ZFP64: variants seen among roughly 807,000 people sequenced by gnomAD.
ZFP64 encodes zinc finger protein 64.
ZFP64 carries 14 observed loss-of-function variants against 51.6 expected under a neutral mutation model. The observed-to-expected ratio is 0.27, with a 90% CI of 0.18 to 0.42. The LOEUF (loss-of-function observed/expected upper bound fraction) is 0.42, where lower values mean the gene tolerates loss of function less well. Among genes scored for constraint, ZFP64 ranks in the 10% least tolerant of loss-of-function variants. The pLI, the probability that ZFP64 is intolerant of heterozygous loss-of-function variation, is 1.00. For synonymous variants in ZFP64, 375 were observed against 361.4 expected (o/e 1.04, Z -0.43); for missense variants, 754 against 906.8 (o/e 0.83, Z 2.16).
At chr20:52,099,390 C>T (rs190199110) in intron 5 of ZFP64, among the ~76,000 whole-genome samples, 6 of 152,092 alleles carry the variant, frequency 3.9e-5, no homozygotes, top group African/African-American at 1.4e-4. Context: ...CAAAAGGTCA[C>T]AGACCACACA....
chr20:52,110,818 C>G lies in ZFP64; in HGVS notation c.764-12231G>C, dbSNP rs1442646469. On this transcript the variant is annotated intron_variant, in intron 5 of 8. Transcript: ENST00000361387. ...CTCTTTGAGCAGCTTGTATTTCTCACTCAGCTCCATGTTCAGCTTGTCACC... is the reference window on the plus strand; with the variant it reads ...CTCTTTGAGCAGCTTGTATTTCTCAGTCAGCTCCATGTTCAGCTTGTCACC... The G allele has an allele frequency of 3.1e-6, 5 of 1,598,742 alleles. No homozygotes were observed. The Admixed American group carries it at 8.3e-5, about 27-fold the overall frequency.
rs1162365698 is a variant in ZFP64, at chr20:52,160,683, T to C, written c.512-309A>G. Among the ~76,000 whole-genome samples the C allele has an allele frequency of 1.3e-5, 2 of 152,220 alleles. No homozygotes were observed. The highest frequency in any genetic ancestry group is 2.9e-5 in the Non-Finnish European group (2 of 68,036). ...TAGGTACGTAAAATAGTAACAGTTT[T>C]GTTAATTTTCCCTTGTATTCACTCT... On this transcript the variant is annotated intron_variant, in intron 4 of 5. Transcript: ENST00000216923. This position sits in a 1 kb window ranked among gnomAD's most constrained non-coding sequence, Gnocchi z 4.2.
rs775981773 is a variant in ZFP64, at chr20:52,160,353, T to A, written c.533A>T (p.Glu178Val). The A allele has an allele frequency of 3.1e-6, 5 of 1,614,044 alleles. No individual in the cohort carries two copies. Among genetic ancestry groups the A allele is most frequent in the Non-Finnish European group, 4.2e-6 (5 of 1,179,952 alleles). Residue 178 changes from glutamate to valine, a missense_variant, in exon 5 of 6, where the codon GAA (glutamate) becomes GTA (valine). By Grantham distance (121) the Glu-to-Val change is moderately radical. This residue lies in a region of ZFP64 where 231 missense variants were observed against 336.7 expected (regional missense o/e 0.69). Transcript: ENST00000216923. The surrounding 1 kb of genome is among the most constrained non-coding windows in gnomAD (Gnocchi z 4.2). ...CCGGCTAAAGCACTTGCCACAGACT[T>A]CACACTTATGGGGTTTGTCTCCTTC... ...IHTGDKPHKCEVCGKCFSRKD... is the reference protein window; with the variant it reads ...IHTGDKPHKCVVCGKCFSRKD...
intron 5 of ZFP64, among the ~76,000 whole-genome samples, chr20:52,140,545 C>G (rs1265606810): frequency 6.6e-6 from 1 of 152,192 alleles, no homozygotes; most frequent in Non-Finnish European, 1.5e-5. Flanking sequence ...GAGCAAGGAC[C>G]TAACTCCTTC....
In ZFP64 at chr20:52,107,570, C is replaced by T. The variant is rs181072034; in HGVS notation, c.764-8983G>A. On this transcript the variant is annotated intron_variant, in intron 5 of 8. Coordinates refer to the ZFP64 transcript ENST00000361387. ...GTCTCTTTAGCAAGTTTTATTGTAC[C>T]TACATGTATTCCTTAAAAAAACAAT... is the stretch of plus-strand genomic sequence containing the variant. 2.9e-4 allele frequency among the ~76,000 whole-genome samples: 44 copies of T among 152,108 alleles called. 1 individual carries two copies. The highest frequency in any genetic ancestry group is 4.4e-5 in the Non-Finnish European group (3 of 68,008).
rs11469696 is a variant in ZFP64, at chr20:52,161,450, CTTTTTT to C, written c.512-1082_512-1077del. ...CCCAGGACCGTCTTGTGATTGCTTT[CTTTTTT>C]TTTTTTTTTTTTTTTGCCAAATACT... On this transcript the variant is annotated intron_variant, in intron 4 of 5. Transcript: ENST00000216923. Among the ~76,000 whole-genome samples, 1,134 of 115,150 alleles carry C rather than the reference CTTTTTT, an allele frequency of 9.8e-3. 16 individuals carry two copies. Among genetic ancestry groups the C allele is most frequent in the African/African-American group, 0.035 (1,066 of 30,064 alleles). 75.5% of individuals were successfully genotyped at this position (115,150 alleles called of 152,430 possible).
chr20:52,102,260 G>A (rs117265881), intron 5 of ZFP64, among the ~76,000 whole-genome samples: 2,202 of 152,202 alleles, frequency 0.014, 91 homozygotes, highest in Admixed American at 0.091. Context: ...AGACGTCAGC[G>A]TGTATCAGAA....
At chr20:52,099,869 A>G (rs2079032057) in intron 5 of ZFP64, among the ~76,000 whole-genome samples, 1 of 152,230 alleles carries the variant, frequency 6.6e-6, no homozygotes, top group Non-Finnish European at 1.5e-5. Context: ...ACGGTCAAAT[A>G]ATTTCATGTT....
intron 4 of ZFP64, among the ~76,000 whole-genome samples, chr20:52,164,492 C>T (rs6091459): frequency 0.017 from 2,617 of 152,274 alleles, 88 homozygotes; most frequent in African/African-American, 0.06. Context: ...CACATCCTCT[C>T]CAGAGCTGGA....
chr20:52,154,647 T>C (rs1473060622), intron 5 of ZFP64, among the ~76,000 whole-genome samples: 1 of 152,090 alleles, frequency 6.6e-6, no homozygotes, highest in Non-Finnish European at 1.5e-5. Flanking sequence ...CTGAGAGGCC[T>C]AAACCTAAAC....
intron 2 of ZFP64, among the ~76,000 whole-genome samples, chr20:52,174,252 G>T (rs1982990423): frequency 6.6e-6 from 1 of 150,890 alleles, no homozygotes; most frequent in Non-Finnish European, 1.5e-5. Flanking sequence ...TTTGGTGGCT[G>T]AGGCAGGCGG....
intron 5 of ZFP64, among the ~76,000 whole-genome samples, chr20:52,139,292 G>T (rs952085506): frequency 7.2e-5 from 11 of 152,142 alleles, no homozygotes; most frequent in African/African-American, 2.4e-4. Context: ...AAGGAAATGT[G>T]GTACGTACAG....
chr20:52,175,861 G>GGGGCC, intron 2 of ZFP64: 1 of 238,642 alleles, frequency 4.2e-6, no homozygotes, highest in Non-Finnish European at 6.1e-6. Context: ...CACCCCCGCT[G>GGGGCC]CCGCCCCCGC....
chr20:52,086,668 CG>C (rs1422514426), intron 8 of ZFP64, among the ~76,000 whole-genome samples: 5 of 151,986 alleles, frequency 3.3e-5, no homozygotes, highest in African/African-American at 1.2e-4. Flanking sequence ...TTAGTAGAGA[CG>C]GGGTTTCACC....
intron 5 of ZFP64, among the ~76,000 whole-genome samples, chr20:52,137,053 C>G (rs1408925858): frequency 6.6e-6 from 1 of 152,170 alleles, no homozygotes; most frequent in Non-Finnish European, 1.5e-5. Flanking sequence ...GTGTGAGCCA[C>G]CGTGCCTGGC....
intron 2 of ZFP64, among the ~76,000 whole-genome samples, chr20:52,184,930 ACCT>A (rs1983853360): frequency 6.6e-6 from 1 of 152,090 alleles, no homozygotes; most frequent in Non-Finnish European, 1.5e-5. Context: ...ACCTGGCCAT[ACCT>A]AACTCTCTCT....
intron 1 of ZFP64, among the ~76,000 whole-genome samples, chr20:52,190,969 T>C (rs1984326148): frequency 6.6e-6 from 1 of 152,112 alleles, no homozygotes; most frequent in South Asian, 2.1e-4. Flanking sequence ...ACTCAGTCTC[T>C]GGACCACACT....
chr20:52,114,490 C>T (rs1394109680), intron 5 of ZFP64, among the ~76,000 whole-genome samples: 2 of 152,158 alleles, frequency 1.3e-5, no homozygotes, highest in African/African-American at 4.8e-5. Context: ...TTCAGGGCAA[C>T]AAACATGGAA....
Position 52,164,108 on chromosome 20 carries a change from C to T in ZFP64, c.511+587G>A, listed in dbSNP as rs752845602. Among the ~76,000 whole-genome samples the T allele has an allele frequency of 6.8e-4, 103 of 152,152 alleles. 1 individual carries two copies. Among genetic ancestry groups the T allele is most frequent in the Middle Eastern group, 3.4e-3 (1 of 294 alleles). ...GGTGGATCGCTTGAGTCCAGGCATT[C>T]GAGACCAGCCTGGGCAACATGGTGA... On this transcript the variant is annotated intron_variant, in intron 4 of 5. Transcript: ENST00000216923.
Sources: gnomAD v4.1 joint callset for allele counts (sites outside exome capture counted in the v4.1 genomes callset) on GRCh38, gnomAD v4.1.1 for gene constraint, gnomAD v4.1.1 regional missense constraint, Gnocchi (gnomAD v3.1) non-coding constraint, MANE v1.5 for transcripts, NCBI Gene and HGNC (gene_info 2026-07-23, HGNC 2026-07-21) for gene names.